The following REEP1 variants were observed in gnomAD, a reference collection of about 807,000 sequenced individuals.
The protein encoded by REEP1 is receptor expression-enhancing protein 1.
A neutral mutation model predicts 40.3 loss-of-function variants in REEP1; 22 were observed. That is an observed-to-expected ratio of 0.55 (90% CI 0.39 to 0.78). The LOEUF (loss-of-function observed/expected upper bound fraction) is 0.78, where lower values mean the gene tolerates loss of function less well. Ranked by LOEUF, REEP1 falls within the 30% of genes least tolerant of loss-of-function variation. The pLI is 0.00. For synonymous variants in REEP1, 116 were observed against 139.2 expected, an observed-to-expected ratio of 0.83 and a Z score of 1.17; for missense variants, 280 against 361.1, an observed-to-expected ratio of 0.78 and a Z score of 1.82.
chr2:86,306,734 T>A (rs1319915563), intron 1 of REEP1, among the ~76,000 whole-genome samples: 1 of 152,186 alleles, frequency 6.6e-6, no homozygotes, highest in Non-Finnish European at 1.5e-5. Flanking sequence ...TATTTACTCT[T>A]ACACATTACT....
intron 5 of REEP1, among the ~76,000 whole-genome samples, chr2:86,238,294 C>G (rs1395541266): frequency 6.6e-6 from 1 of 152,192 alleles, no homozygotes; most frequent in Admixed American, 6.5e-5. Context: ...TGATGTGTCT[C>G]AGAAACCACA....
chr2:86,249,920 TCTC>T (rs1382078491), intron 5 of REEP1, among the ~76,000 whole-genome samples: 2 of 152,376 alleles, frequency 1.3e-5, no homozygotes, highest in African/African-American at 4.8e-5. Flanking sequence ...CAGAAAATTT[TCTC>T]ATCTGAAACC....
chr2:86,217,066 G>A lies in REEP1; in HGVS notation c.828C>T (p.Thr276=), dbSNP rs764161995. 22 of 1,614,076 alleles carry A rather than the reference G, an allele frequency of 1.4e-5. No individual in the cohort carries two copies. Among genetic ancestry groups the A allele is most frequent in the Non-Finnish European group, 1.8e-5 (21 of 1,179,970 alleles). ...ACGTGGTTTCGGTGGCCGAGGATGA[G>A]GTACTTTTCTTCCTGAAGCGAGATC... The part of the protein sequence containing the change: ...ILRSRFRKKS[T]SSSATETT The change falls in exon 9 of 9, where the codon ACC becomes ACT. Residue 276 remains threonine, a synonymous_variant. Transcript: ENST00000538924.
chr2:86,303,193 C>A (rs1230502043), intron 1 of REEP1, among the ~76,000 whole-genome samples: 1 of 150,892 alleles, frequency 6.6e-6, no homozygotes, highest in Non-Finnish European at 1.5e-5. Flanking sequence ...CAGGAGTACA[C>A]CACGATGCCC....
In REEP1 at chr2:86,324,126, C is replaced by G. The variant is rs1436305288; in HGVS notation, c.32+13353G>C. On this transcript the variant is annotated intron_variant, in intron 1 of 8. Transcript: ENST00000538924. ...TTTTATTTTCCTAGGACACAAAAAG[C>G]AAAAACTATAAACGAAAAAAAAAAT... Among the ~76,000 whole-genome samples the G allele has an allele frequency of 6.0e-5, 9 of 150,064 alleles. 1 individual carries two copies. Among genetic ancestry groups the G allele is most frequent in the Admixed American group, 5.9e-4 (9 of 15,146 alleles).
At chr2:86,261,591 T>C (rs13421310) in intron 3 of REEP1, among the ~76,000 whole-genome samples, 51,990 of 152,048 alleles carry the variant, frequency 0.34, 9,828 homozygotes, top group Middle Eastern at 0.45. Context: ...ACACAAAAAC[T>C]GTGGAAGCCC....
intron 2 of REEP1, among the ~76,000 whole-genome samples, chr2:86,266,309 C>T (rs1558900233): frequency 1.3e-5 from 2 of 152,330 alleles, no homozygotes; most frequent in South Asian, 4.1e-4. Flanking sequence ...TTGGATCAGG[C>T]AATGCTTTCT....
intron 3 of REEP1, among the ~76,000 whole-genome samples, chr2:86,256,134 G>C (rs183081523): frequency 6.6e-6 from 1 of 151,908 alleles, no homozygotes; most frequent in East Asian, 1.9e-4. Flanking sequence ...GGATCACAAG[G>C]TCAGGGGTTC....
chr2:86,311,505 C>T (rs554601628), intron 1 of REEP1, among the ~76,000 whole-genome samples: 1 of 152,228 alleles, frequency 6.6e-6, no homozygotes, highest in African/African-American at 2.4e-5. Flanking sequence ...TTTTCCTTGC[C>T]TTTTCCTAGG....
chr2:86,270,566 T>C (rs944565631), intron 2 of REEP1, among the ~76,000 whole-genome samples: 1 of 152,030 alleles, frequency 6.6e-6, no homozygotes, highest in Non-Finnish European at 1.5e-5. Flanking sequence ...AGTGGAGAGA[T>C]GGGGGATTTC....
intron 1 of REEP1, among the ~76,000 whole-genome samples, chr2:86,331,037 G>A (rs755301814): frequency 6.6e-6 from 1 of 152,198 alleles, no homozygotes; most frequent in African/African-American, 2.4e-5. Context: ...TGGGGCCCGA[G>A]CAACCAGAAC....
chr2:86,232,522 C>A, intron 6 of REEP1, 103 bp downstream of exon 6: 1 of 1,389,480 alleles, frequency 7.2e-7, no homozygotes. Context: ...GTGGCAGGTC[C>A]GTGGGGCCAG....
intron 1 of REEP1, among the ~76,000 whole-genome samples, chr2:86,320,492 C>T (rs1176130633): frequency 6.6e-6 from 1 of 152,096 alleles, no homozygotes; most frequent in East Asian, 1.9e-4. Flanking sequence ...ACACATAACG[C>T]ACCTTGATTG....
chr2:86,248,767 A>G (rs1236145955), intron 5 of REEP1, among the ~76,000 whole-genome samples: 1 of 152,170 alleles, frequency 6.6e-6, no homozygotes, highest in Non-Finnish European at 1.5e-5. Flanking sequence ...CCTAGTTTAG[A>G]CCTGTTGTTT....
chr2:86,260,001 T>C (rs1485663154), intron 3 of REEP1, among the ~76,000 whole-genome samples: 1 of 152,142 alleles, frequency 6.6e-6, no homozygotes, highest in Non-Finnish European at 1.5e-5. Flanking sequence ...CTAACCTTTT[T>C]GAATAGTAAA....
chr2:86,269,030 A>T (rs1487721841), intron 2 of REEP1, among the ~76,000 whole-genome samples: 1 of 152,148 alleles, frequency 6.6e-6, no homozygotes, highest in Admixed American at 6.6e-5. Context: ...AGACTAAAAA[A>T]CTTCTAGAAG....
At chr2:86,312,695 A>T (rs1361117943) in intron 1 of REEP1, among the ~76,000 whole-genome samples, 1 of 152,260 alleles carries the variant, frequency 6.6e-6, no homozygotes, top group Non-Finnish European at 1.5e-5. Context: ...CTGATTGCTT[A>T]TCTGTAAAAT....
In REEP1 at chr2:86,262,565, T is replaced by C. The variant is rs928866013; in HGVS notation, c.182+1400A>G. ...GTACATGCTAAGATAATTAAGGCCA[T>C]TGACTCAAAACAGGATTCAGAGAGT... On this transcript the variant is annotated intron_variant, in intron 3 of 8. Transcript: ENST00000538924. Among the ~76,000 whole-genome samples the C allele has an allele frequency of 2.0e-5, 3 of 152,336 alleles. No individual in the cohort carries two copies. In the East Asian group the frequency reaches 5.8e-4, roughly 29 times the overall value.
At chr2:86,323,066 C>T (rs995989960) in intron 1 of REEP1, among the ~76,000 whole-genome samples, 14 of 152,084 alleles carry the variant, frequency 9.2e-5, no homozygotes, top group African/African-American at 2.4e-4. Flanking sequence ...AGCACAGTGG[C>T]GTACACCTGT....
Sources: allele counts gnomAD v4.1 joint callset (sites outside exome capture counted in the v4.1 genomes callset), GRCh38; gene constraint gnomAD v4.1.1; transcripts MANE v1.5; gene names NCBI Gene and HGNC (gene_info 2026-07-23, HGNC 2026-07-21).